ATP10B: variants seen among roughly 807,000 people sequenced by gnomAD.
ATP10B encodes ATPase phospholipid transporting 10B (putative).
ATP10B carries 122 observed loss-of-function variants against 141.2 expected under a neutral mutation model. The observed-to-expected ratio is 0.86, with a 90% CI of 0.75 to 1.00. The LOEUF (loss-of-function observed/expected upper bound fraction) is 1.00, where lower values mean the gene tolerates loss of function less well. Among genes scored for constraint, ATP10B ranks in the 50% least tolerant of loss-of-function variants. The pLI is 0.00. For synonymous variants in ATP10B, 685 were observed against 692.0 expected, an observed-to-expected ratio of 0.99 and a Z score of 0.16; for missense variants, 1,876 against 1,825.3, an observed-to-expected ratio of 1.03 and a Z score of -0.51.
In ATP10B at chr5:160,620,470, C is replaced by T. The variant is rs1468485961; in HGVS notation, c.2293G>A (p.Gly765Ser). 1.2e-6 allele frequency: 2 copies of T among 1,614,084 alleles called. No individual in the cohort carries two copies. The highest frequency in any genetic ancestry group is 1.7e-6 in the Non-Finnish European group (2 of 1,180,036). The part of the protein sequence containing the change: ...CLTFSLLCTL[G>S]FDSVRKRMSV... The stretch of plus-strand genomic sequence containing the variant: ...ATTCTCTTCCTGACAGAGTCAAAGC[C>T]CAGGGTGCAGAGGAGGCTGAAGGTG... The change falls in exon 15 of 26, where the codon GGC becomes AGC. Residue 765 changes from glycine (G) to serine (S), a missense_variant. Transcript: ENST00000327245.
Position 160,808,826 on chromosome 5 carries a change from A to C in ATP10B, c.-575-23023T>G, listed in dbSNP as rs564387473. Among the ~76,000 whole-genome samples the C allele has an allele frequency of 2.6e-5, 4 of 152,334 alleles. No individual in the cohort carries two copies. The East Asian group carries it at 7.7e-4, about 29-fold the overall frequency. On this transcript the variant is annotated intron_variant, in intron 1 of 25. Coordinates refer to ENST00000327245, the MANE Select transcript of ATP10B (RefSeq NM_025153.3). ...CAAAGTGCCCCAAAACAAGTGACTT[A>C]AAGAGAATACATCTATTGTCTCAGT... is the stretch of plus-strand genomic sequence containing the variant.
the ATP10B span, among the ~76,000 whole-genome samples, chr5:160,894,346 GAGA>G: frequency 6.6e-6 from 1 of 151,984 alleles, no homozygotes; most frequent in African/African-American, 2.4e-5. Flanking sequence ...AACCAGTTTA[GAGA>G]AGAATACAAA....
In ATP10B at chr5:160,698,689, A is replaced by G. The variant is rs562657100; in HGVS notation, c.-204-9746T>C. ...CATAATAAAATGGTTGGGAGATGAG[A>G]TATATATATATACATGGAAAGGTAC... On this transcript the variant is annotated intron_variant, in intron 3 of 25. Coordinates refer to ENST00000327245, the MANE Select transcript of ATP10B (RefSeq NM_025153.3). Among the ~76,000 whole-genome samples, 8 of 140,310 alleles carry G rather than the reference A, an allele frequency of 5.7e-5. No homozygotes were observed. In the East Asian group the frequency reaches 2.9e-3, roughly 51 times the overall value. 92.0% of individuals were successfully genotyped at this position (140,310 alleles called of 152,430 possible).
Position 160,598,753 on chromosome 5 carries a change from C to T in ATP10B, c.3564+17G>A. The T allele has an allele frequency of 6.2e-7, 1 of 1,613,110 alleles. No individual in the cohort carries two copies. Among genetic ancestry groups the T allele is most frequent in the Non-Finnish European group, 8.5e-7 (1 of 1,179,498 alleles). ...AGAAGCTGAAGTCACCTCCCTTTGG[C>T]TGCCCGATCTCCTTACCTCAGAGTT... On this transcript the variant is annotated intron_variant, in intron 22 of 25. Coordinates refer to ENST00000327245, the MANE Select transcript of ATP10B (RefSeq NM_025153.3).
chr5:160,716,497 C>T (rs1345225240), intron 3 of ATP10B, among the ~76,000 whole-genome samples: 2 of 152,098 alleles, frequency 1.3e-5, no homozygotes, highest in African/African-American at 4.8e-5. Flanking sequence ...CCCATCTACT[C>T]CAGAATTGGT....
At chr5:160,744,982 A>G (rs1767706346) in intron 2 of ATP10B, among the ~76,000 whole-genome samples, 1 of 152,108 alleles carries the variant, frequency 6.6e-6, no homozygotes, top group African/African-American at 2.4e-5. Flanking sequence ...AGCCTGCCTG[A>G]CTCCCACACT....
the ATP10B span, among the ~76,000 whole-genome samples, chr5:160,915,272 CA>C: frequency 2.6e-5 from 4 of 151,656 alleles, no homozygotes; most frequent in African/African-American, 9.7e-5. Context: ...GGAGAACTCA[CA>C]AAAATACAGG....
intron 13 of ATP10B, among the ~76,000 whole-genome samples, chr5:160,625,678 C>A (rs909956297): frequency 3.3e-5 from 5 of 152,214 alleles, no homozygotes; most frequent in Non-Finnish European, 7.3e-5. Context: ...TTTCCAAATG[C>A]TGACACAGTT....
chr5:160,853,275 T>TC (rs150517473), upstream of ATP10B, among the ~76,000 whole-genome samples: 5 of 152,198 alleles, frequency 3.3e-5, no homozygotes, highest in African/African-American at 1.2e-4. Flanking sequence ...TTCCTTTACT[T>TC]CCCTTCACTC....
the ATP10B span, among the ~76,000 whole-genome samples, chr5:160,887,730 C>T: frequency 6.6e-6 from 1 of 152,178 alleles, no homozygotes; most frequent in Non-Finnish European, 1.5e-5. Flanking sequence ...GTCACTGTCC[C>T]TGCTGTCTGG....
intron 1 of ATP10B, among the ~76,000 whole-genome samples, chr5:160,806,397 G>C (rs1378635575): frequency 6.6e-6 from 1 of 152,206 alleles, no homozygotes; most frequent in East Asian, 1.9e-4. Flanking sequence ...AGCAGGCTGA[G>C]TTTTGGAGGG....
Position 160,613,087 on chromosome 5 carries a change from C to T in ATP10B, c.2654-162G>A, listed in dbSNP as rs906342047. 2.6e-5 allele frequency among the ~76,000 whole-genome samples: 4 copies of T among 151,802 alleles called. No homozygotes were observed. The East Asian group carries it at 7.7e-4, about 29-fold the overall frequency. ...TGAACTAGATGGAGCAGGTCTCTAC[C>T]TCTGAGTTCAATGGTCATTGAATAA... On this transcript the variant is annotated intron_variant, in intron 17 of 25. Transcript: ENST00000327245.
At chr5:160,566,037 G>A (rs1256345334) in intron 25 of ATP10B, 137 bp from the exon 26 acceptor site, 3 of 778,588 alleles carry the variant, frequency 3.9e-6, no homozygotes, top group African/African-American at 3.5e-5. Flanking sequence ...CCATGTCTGG[G>A]CACCTCTAGT....
At chr5:160,786,133 C>A (rs1447238319) in intron 1 of ATP10B, among the ~76,000 whole-genome samples, 1 of 152,116 alleles carries the variant, frequency 6.6e-6, no homozygotes, top group East Asian at 1.9e-4. Context: ...TGACTGGTTT[C>A]AGAATGGATA....
At chr5:160,627,050 C>G (rs910971763) in intron 13 of ATP10B, among the ~76,000 whole-genome samples, 5 of 152,106 alleles carry the variant, frequency 3.3e-5, no homozygotes, top group African/African-American at 9.7e-5. Context: ...CCAGCTACTC[C>G]GAAGAACTAC....
intron 18 of ATP10B, among the ~76,000 whole-genome samples, chr5:160,608,770 T>TG (rs1561649753): frequency 6.6e-6 from 1 of 152,226 alleles, no homozygotes; most frequent in Non-Finnish European, 1.5e-5. Flanking sequence ...CACTTTTTGA[T>TG]GGGGTTGTTT....
chr5:160,905,621 G>A, the ATP10B span, among the ~76,000 whole-genome samples: 1 of 152,052 alleles, frequency 6.6e-6, no homozygotes, highest in Non-Finnish European at 1.5e-5. Flanking sequence ...TGCATGGTGG[G>A]CTTGTTGTAA....
At chr5:160,641,568 A>T (rs1759870734) in intron 9 of ATP10B, among the ~76,000 whole-genome samples, 1 of 152,216 alleles carries the variant, frequency 6.6e-6, no homozygotes, top group South Asian at 2.1e-4. Flanking sequence ...TCAGAGTCAC[A>T]TTGTGAACCC....
chr5:160,582,872 C>T (rs1473150008), intron 24 of ATP10B, among the ~76,000 whole-genome samples: 1 of 152,164 alleles, frequency 6.6e-6, no homozygotes, highest in African/African-American at 2.4e-5. Context: ...ATCGATTCAG[C>T]TATTGATACT....
Sources: allele counts gnomAD v4.1 joint callset (sites outside exome capture counted in the v4.1 genomes callset), GRCh38; gene constraint gnomAD v4.1.1; transcripts MANE v1.5; gene names NCBI Gene and HGNC (gene_info 2026-07-23, HGNC 2026-07-21).